The following GABRG3 variants were observed in gnomAD, a reference collection of about 807,000 sequenced individuals.
The protein encoded by GABRG3 is gamma-aminobutyric acid receptor subunit gamma-3.
A neutral mutation model predicts 48.8 loss-of-function variants in GABRG3; 25 were observed. The observed-to-expected ratio is 0.51, with a 90% CI of 0.37 to 0.72. The LOEUF (loss-of-function observed/expected upper bound fraction) is 0.72. Among genes scored for constraint, GABRG3 ranks in the 30% least tolerant of loss-of-function variants. GABRG3 has a pLI of 0.00. For synonymous variants in GABRG3, 227 were observed against 217.6 expected (o/e 1.04, Z -0.38); for missense variants, 394 against 577.9 (o/e 0.68, Z 3.26).
intron 3 of GABRG3, among the ~76,000 whole-genome samples, chr15:27,092,492 T>A (rs1351831649): frequency 1.3e-5 from 2 of 152,224 alleles, no homozygotes; most frequent in Non-Finnish European, 2.9e-5. Flanking sequence ...AGGTAGCTGC[T>A]GTGTAAGGAC....
At chr15:27,128,795 T>A (rs1897866073) in intron 3 of GABRG3, among the ~76,000 whole-genome samples, 1 of 152,158 alleles carries the variant, frequency 6.6e-6, no homozygotes, top group African/African-American at 2.4e-5. Context: ...ACTATTCCTA[T>A]TGCAGGCTGC....
intron 3 of GABRG3, among the ~76,000 whole-genome samples, chr15:27,127,036 A>G (rs1239952686): frequency 6.6e-6 from 1 of 152,120 alleles, no homozygotes; most frequent in East Asian, 1.9e-4. Flanking sequence ...TATTGATTGC[A>G]TTTGGCAGGG....
At chr15:27,258,827 C>T (rs1027708620) in intron 3 of GABRG3, among the ~76,000 whole-genome samples, 18 of 152,204 alleles carry the variant, frequency 1.2e-4, no homozygotes, top group African/African-American at 3.6e-4. Context: ...TACAGTGCTG[C>T]GGAACACTGG....
At chr15:26,977,237 G>C in intron 2 of GABRG3, 87 bp downstream of exon 2, 1 of 1,368,144 alleles carries the variant, frequency 7.3e-7, no homozygotes, top group South Asian at 1.3e-5. Context: ...AATTCCAAGA[G>C]TATTGCAAAG....
intron 9 of GABRG3, among the ~76,000 whole-genome samples, chr15:27,529,944 A>G (rs184540966): frequency 5.6e-4 from 85 of 152,258 alleles, no homozygotes; most frequent in South Asian, 1.2e-3. Flanking sequence ...AAGGAAGTAC[A>G]AAGAAAAATA....
At chr15:27,114,034 C>T in intron 3 of GABRG3, among the ~76,000 whole-genome samples, 1 of 152,178 alleles carries the variant, frequency 6.6e-6, no homozygotes, top group East Asian at 1.9e-4. Context: ...TCTTACTAAA[C>T]CTTATTCTTT....
At chr15:27,026,971 G>A in intron 3 of GABRG3, 150 bp downstream of exon 3, 1 of 438,560 alleles carries the variant, frequency 2.3e-6, no homozygotes, top group African/African-American at 3.6e-5. Flanking sequence ...TATTGAAAAT[G>A]GTAAAAAAAA....
chr15:27,107,300 A>T (rs1426642769), intron 3 of GABRG3, among the ~76,000 whole-genome samples: 1 of 152,048 alleles, frequency 6.6e-6, no homozygotes, highest in Admixed American at 6.5e-5. Flanking sequence ...GCTTGTCTGC[A>T]TCAGTGGGTA....
At chr15:27,034,387 T>C (rs897447142) in intron 3 of GABRG3, among the ~76,000 whole-genome samples, 2 of 152,198 alleles carry the variant, frequency 1.3e-5, no homozygotes, top group African/African-American at 4.8e-5. Flanking sequence ...TTTGTTTTGT[T>C]TTATTTAAAA....
At chr15:27,183,864 C>G (rs1467384543) in intron 3 of GABRG3, among the ~76,000 whole-genome samples, 2 of 152,164 alleles carry the variant, frequency 1.3e-5, no homozygotes, top group African/African-American at 2.4e-5. Context: ...AGGATGTTCT[C>G]TGAGGGATTT....
chr15:27,467,082 A>G (rs1889635887), intron 5 of GABRG3, among the ~76,000 whole-genome samples: 1 of 152,098 alleles, frequency 6.6e-6, no homozygotes, highest in South Asian at 2.1e-4. Flanking sequence ...ACCAACATGC[A>G]TTTCTCACAG....
chr15:27,423,541 G>GT (rs57806464), intron 5 of GABRG3, among the ~76,000 whole-genome samples: 1,703 of 136,326 alleles, frequency 0.012, 17 homozygotes, highest in African/African-American at 0.027. Flanking sequence ...TTGTTTTTTG[G>GT]TTTTTTTTTT....
At chr15:27,377,602 C>T (rs746109787) in intron 5 of GABRG3, among the ~76,000 whole-genome samples, 18 of 149,280 alleles carry the variant, frequency 1.2e-4, no homozygotes, top group African/African-American at 7.7e-5. Flanking sequence ...GAGACTTATT[C>T]ACTATCACAA....
At chr15:27,477,127 A>G (rs1889964358) in intron 5 of GABRG3, among the ~76,000 whole-genome samples, 2 of 152,202 alleles carry the variant, frequency 1.3e-5, no homozygotes, top group Admixed American at 1.3e-4. Context: ...AAAAACTTGC[A>G]CCTGTATGTT....
intron 6 of GABRG3, among the ~76,000 whole-genome samples, chr15:27,482,472 A>ATG (rs10667245): frequency 0.36 from 54,106 of 151,924 alleles, 10,490 homozygotes; most frequent in East Asian, 0.45. Context: ...TGCTTGCTAA[A>ATG]TGATTGACAT....
At chr15:27,303,721 A>G (rs991441562) in intron 3 of GABRG3, among the ~76,000 whole-genome samples, 10 of 151,420 alleles carry the variant, frequency 6.6e-5, no homozygotes, top group Admixed American at 2.0e-4. Flanking sequence ...GTGTGTGGAT[A>G]TGTATATCCA....
At chr15:27,484,666 C>A (rs1223430045) in intron 6 of GABRG3, among the ~76,000 whole-genome samples, 2 of 152,080 alleles carry the variant, frequency 1.3e-5, no homozygotes, top group African/African-American at 2.4e-5. Flanking sequence ...GAGGCTGCAG[C>A]AGTGAATATA....
chr15:27,264,811 T>C (rs1890868982), intron 3 of GABRG3, among the ~76,000 whole-genome samples: 1 of 152,138 alleles, frequency 6.6e-6, no homozygotes, highest in African/African-American at 2.4e-5. Flanking sequence ...ATACCTTTTA[T>C]ATCGTCTCTC....
intron 3 of GABRG3, among the ~76,000 whole-genome samples, chr15:27,237,050 C>T (rs944651414): frequency 1.3e-5 from 2 of 152,238 alleles, no homozygotes; most frequent in African/African-American, 4.8e-5. Context: ...AGTTGACACT[C>T]ATTTGACGCA....
Sources: allele counts gnomAD v4.1 joint callset (sites outside exome capture counted in the v4.1 genomes callset), GRCh38; gene constraint gnomAD v4.1.1; transcripts MANE v1.5; gene names NCBI Gene and HGNC (gene_info 2026-07-23, HGNC 2026-07-21).